The following DIAPH2 variants were observed in gnomAD, a reference collection of about 807,000 sequenced individuals.
DIAPH2 encodes the protein protein diaphanous homolog 2.
A neutral mutation model predicts 92.7 loss-of-function variants in DIAPH2; 35 were observed. The observed-to-expected ratio is 0.38, with a 90% CI of 0.29 to 0.50. The LOEUF (loss-of-function observed/expected upper bound fraction) is 0.50, where lower values mean the gene tolerates loss of function less well. Ranked by LOEUF, DIAPH2 falls within the 20% of genes least tolerant of loss-of-function variation. DIAPH2 has a pLI of 0.94. For missense variants in DIAPH2, 701 were observed against 819.5 expected, an observed-to-expected ratio of 0.86 and a Z score of 1.77; for synonymous variants, 301 against 280.4, an observed-to-expected ratio of 1.07 and a Z score of -0.73.
At chrX:96,892,210 G>T (rs2065311935) in intron 5 of DIAPH2, among the ~76,000 whole-genome samples, 2 of 111,774 alleles carry the variant, frequency 1.8e-5, no homozygotes, top group Admixed American at 9.5e-5. Context: ...AGAACATTTT[G>T]CAGGGGACTA....
intron 26 of DIAPH2, among the ~76,000 whole-genome samples, chrX:97,509,375 T>C (rs772082810): frequency 2.8e-5 from 3 of 107,684 alleles, no homozygotes; most frequent in South Asian, 4.2e-4. Flanking sequence ...GTAAATTTTA[T>C]GTGACACAGG....
intron 12 of DIAPH2, among the ~76,000 whole-genome samples, chrX:96,941,786 G>T (rs958223015): frequency 4.5e-5 from 5 of 109,931 alleles, no homozygotes; most frequent in African/African-American, 1.6e-4. Context: ...CTGCAAACTA[G>T]ATTATGAAGT....
In DIAPH2 at chrX:97,600,503, C is replaced by CCTT. The variant is rs1264078188; in HGVS notation, c.*1187_*1189dup. 8.9e-6 allele frequency: 1 copy of CCTT among 112,057 alleles called. No homozygotes were observed. The highest frequency in any genetic ancestry group is 1.9e-5 in the Non-Finnish European group (1 of 53,149). The allele number at this position is 112,057 out of a possible 1,213,427, so 9.2% of individuals were successfully genotyped here. ...TCTCAATTATCATCATACTTACTTACCTTATATTAACAAATTAAGATGATG... is the reference window on the plus strand; with the variant it reads ...TCTCAATTATCATCATACTTACTTACCTTCTTATATTAACAAATTAAGATGATG... On this transcript the variant is annotated 3_prime_UTR_variant, in exon 27 of 27. Transcript: ENST00000324765.
rs766360345 is a variant in DIAPH2, at chrX:97,583,848, G to A, written c.3242-15405G>A. On this transcript the variant is annotated intron_variant, in intron 26 of 26. Coordinates refer to ENST00000324765, the MANE Select transcript of DIAPH2 (RefSeq NM_006729.5). ...GAGACTCGGTGGGGTAGGGCCCTCCGAGCCAGGTGCGGGATATAATCTCGT... is the reference window on the plus strand; with the variant it reads ...GAGACTCGGTGGGGTAGGGCCCTCCAAGCCAGGTGCGGGATATAATCTCGT... 4.4e-4 allele frequency among the ~76,000 whole-genome samples: 49 copies of A among 112,267 alleles called. No homozygotes were observed. The South Asian group carries it at 0.014, about 33-fold the overall frequency.
intron 26 of DIAPH2, chrX:97,533,110 T>C (rs886158573): frequency 1.4e-4 from 16 of 112,000 alleles, no homozygotes; most frequent in Admixed American, 1.1e-3. Flanking sequence ...TTTGTGCAGA[T>C]TCACCATTTT....
At chrX:97,144,910 G>T (rs1185270322) in intron 22 of DIAPH2, among the ~76,000 whole-genome samples, 1 of 111,428 alleles carries the variant, frequency 9.0e-6, no homozygotes, top group East Asian at 2.8e-4. Context: ...GATTACAGGC[G>T]CACGCCACCA....
chrX:97,498,281 G>T (rs1292861043), intron 26 of DIAPH2, among the ~76,000 whole-genome samples: 1 of 111,559 alleles, frequency 9.0e-6, no homozygotes, highest in South Asian at 3.8e-4. Flanking sequence ...CTTATTTATG[G>T]TTTCTACTGC....
intron 16 of DIAPH2, among the ~76,000 whole-genome samples, chrX:96,961,078 T>C (rs941601603): frequency 9.0e-6 from 1 of 111,654 alleles, no homozygotes; most frequent in African/African-American, 3.2e-5. Flanking sequence ...GGTTTTCGTA[T>C]TGGGGTAATG....
At chrX:97,089,734 A>T (rs757218660) in intron 19 of DIAPH2, among the ~76,000 whole-genome samples, 40 of 106,819 alleles carry the variant, frequency 3.7e-4, no homozygotes, top group Admixed American at 3.1e-3. Context: ...ATTTTATTTT[A>T]TTTTTTTTTT....
At chrX:97,130,010 T>G (rs1390536832) in intron 21 of DIAPH2, among the ~76,000 whole-genome samples, 2 of 111,948 alleles carry the variant, frequency 1.8e-5, no homozygotes, top group Non-Finnish European at 3.8e-5. Flanking sequence ...GAAAAGATAC[T>G]TAACACCACT....
chrX:96,939,484 G>GTGTGTATATATATA, intron 12 of DIAPH2, 102 bp downstream of exon 12: 9 of 152,125 alleles, frequency 5.9e-5, no homozygotes, highest in Non-Finnish European at 1.0e-4. Flanking sequence ...ATATGTGTGT[G>GTGTGTATATATATA]TATGTATATA....
At chrX:97,127,267 C>T (rs1489434719) in intron 21 of DIAPH2, among the ~76,000 whole-genome samples, 1 of 111,757 alleles carries the variant, frequency 8.9e-6, no homozygotes, top group Admixed American at 9.5e-5. Flanking sequence ...CTCCAGGATG[C>T]AAGTAACCTA....
chrX:97,590,575 C>A (rs374440152), intron 26 of DIAPH2, among the ~76,000 whole-genome samples: 25 of 112,148 alleles, frequency 2.2e-4, no homozygotes, highest in African/African-American at 8.1e-4. Flanking sequence ...GCATATATGC[C>A]ACACATGGAG....
chrX:97,512,502 A>G (rs1270545683), intron 26 of DIAPH2, among the ~76,000 whole-genome samples: 2 of 110,656 alleles, frequency 1.8e-5, no homozygotes, highest in African/African-American at 3.3e-5. Flanking sequence ...TTGTGTCTCT[A>G]TTTCCTTCAG....
chrX:97,050,649 C>T (rs904460455), intron 17 of DIAPH2, among the ~76,000 whole-genome samples: 12 of 109,979 alleles, frequency 1.1e-4, no homozygotes, highest in African/African-American at 3.9e-4. Flanking sequence ...AACAGAAGAA[C>T]TTTGTTATGC....
intron 24 of DIAPH2, among the ~76,000 whole-genome samples, chrX:97,377,412 G>C (rs1328103739): frequency 8.9e-6 from 1 of 112,020 alleles, no homozygotes; most frequent in African/African-American, 3.2e-5. Flanking sequence ...ATAAGTACAT[G>C]AGTAATGTGT....
chrX:96,810,688 T>G (rs1409195946), intron 4 of DIAPH2, among the ~76,000 whole-genome samples: 1 of 111,806 alleles, frequency 8.9e-6, no homozygotes, highest in African/African-American at 3.3e-5. Context: ...CTTGAATTAA[T>G]TTTTGTATAA....
chrX:96,897,174 T>C (rs947251319), intron 5 of DIAPH2, among the ~76,000 whole-genome samples: 4 of 111,334 alleles, frequency 3.6e-5, no homozygotes, highest in Non-Finnish European at 7.5e-5. Context: ...TTTTAAAAGA[T>C]TATTTTTAAA....
At chrX:97,011,891 CAAAAAAA>C (rs1169242843) in intron 17 of DIAPH2, among the ~76,000 whole-genome samples, 5 of 32,203 alleles carry the variant, frequency 1.6e-4, no homozygotes, top group East Asian at 1.3e-3. Context: ...GACACTGTCT[CAAAAAAA>C]AAAAAAAAAA....
Sources: gnomAD v4.1 joint callset for allele counts (sites outside exome capture counted in the v4.1 genomes callset) on GRCh38, gnomAD v4.1.1 for gene constraint, MANE v1.5 for transcripts, NCBI Gene and HGNC (gene_info 2026-07-23, HGNC 2026-07-21) for gene names.